Variants in CCNC observed in about 807,000 individuals in gnomAD.
CCNC encodes the protein cyclin C, also known as cyclin-C.
Under a neutral mutation model 50.0 loss-of-function variants are expected in CCNC, and 19 were observed. The observed-to-expected ratio is 0.38, with a 90% CI of 0.27 to 0.56. The LOEUF is 0.56. Among genes scored for constraint, CCNC ranks in the 20% least tolerant of loss-of-function variants. The probability of loss-of-function intolerance (pLI) is 0.72; values close to 1 mark genes in which losing one functional copy is unlikely to be tolerated. For missense variants in CCNC, 200 were observed against 327.1 expected (o/e 0.61, Z 3.00); for synonymous variants, 93 against 103.7 (o/e 0.90, Z 0.63).
intron 5 of CCNC, among the ~76,000 whole-genome samples, chr6:99,552,320 AC>A (rs1176633466): frequency 6.6e-6 from 1 of 152,200 alleles, no homozygotes; most frequent in African/African-American, 2.4e-5. Context: ...AGGATAGTAC[AC>A]CAAAAAAATG....
Position 99,545,231 on chromosome 6 carries a change from C to A in CCNC, c.679-1G>T. 2 of 1,501,242 alleles carry A rather than the reference C, an allele frequency of 1.3e-6. No homozygotes were observed. Among genetic ancestry groups the A allele is most frequent in the Non-Finnish European group, 1.9e-6 (2 of 1,080,226 alleles). 93.0% of individuals were successfully genotyped at this position (1,501,242 alleles called of 1,614,324 possible). On this transcript the variant is annotated splice_acceptor_variant, in intron 10 of 11. Coordinates refer to ENST00000520429, the MANE Select transcript of CCNC (RefSeq NM_005190.4). LOFTEE classifies it high-confidence loss of function. Reference sequence around the variant, plus strand: ...AAATAACCCTGATTATTTCCAAAATCTAGAAGAAAATATTTGAAAAGTTCT... The same window carrying A: ...AAATAACCCTGATTATTTCCAAAATATAGAAGAAAATATTTGAAAAGTTCT...
intron 11 of CCNC, chr6:99,543,882 TG>T: frequency 7.7e-7 from 1 of 1,297,560 alleles, no homozygotes; most frequent in Non-Finnish European, 9.8e-7. Context: ...AATTAGGGTA[TG>T]GGATTTCATT....
At chr6:99,545,357 T>C (rs1025387692) in intron 10 of CCNC, 127 bp from the exon 11 acceptor site, 4 of 593,520 alleles carry the variant, frequency 6.7e-6, no homozygotes, top group Non-Finnish European at 9.0e-6. Context: ...CCTGATAAAT[T>C]TGAAAGCAGT....
At chr6:99,555,377 A>G (rs1802470164) in intron 5 of CCNC, among the ~76,000 whole-genome samples, 1 of 152,070 alleles carries the variant, frequency 6.6e-6, no homozygotes, top group Non-Finnish European at 1.5e-5. Flanking sequence ...TTCTCTCTCA[A>G]AGATGTTTTT....
chr6:99,568,464 G>C (rs41288985), intron 1 of CCNC, 32 bp downstream of exon 1: 114,414 of 1,606,282 alleles, frequency 0.071, 4,449 homozygotes, highest in Middle Eastern at 0.11. Context: ...CCCAAAAACC[G>C]GCCCCAGGTG....
chr6:99,562,695 A>T (rs1393167344), intron 2 of CCNC, 147 bp downstream of exon 2: 1 of 558,880 alleles, frequency 1.8e-6, no homozygotes, highest in Admixed American at 3.6e-5. Flanking sequence ...CTAAAAAGAA[A>T]GATAAATGAA....
chr6:99,562,964 T>G lies in CCNC; in HGVS notation c.33-16A>C. On this transcript the variant is annotated splice_polypyrimidine_tract_variant and intron_variant, in intron 1 of 11. Coordinates refer to ENST00000520429, the MANE Select transcript of CCNC (RefSeq NM_005190.4). ...CCATTGCAAACTAGAAAAGACATGT[T>G]ACAGAAAATCAACAAGCAAGGTCAG... The G allele has an allele frequency of 6.7e-7, 1 of 1,497,470 alleles. No homozygotes were observed. 92.8% of individuals were successfully genotyped at this position (1,497,470 alleles called of 1,614,324 possible).
chr6:99,559,641 G>T (rs1802687799), intron 4 of CCNC, among the ~76,000 whole-genome samples: 1 of 94,070 alleles, frequency 1.1e-5, no homozygotes. Flanking sequence ...AGAAAGATTT[G>T]GTCACAGAGA....
intron 5 of CCNC, among the ~76,000 whole-genome samples, chr6:99,555,336 C>T (rs1044367939): frequency 6.6e-6 from 1 of 152,196 alleles, no homozygotes; most frequent in African/African-American, 2.4e-5. Context: ...CTGGCTTCTA[C>T]CTCCACCCCC....
chr6:99,558,357 T>G (rs1410116490), intron 5 of CCNC, 140 bp downstream of exon 5: 20 of 1,299,530 alleles, frequency 1.5e-5, no homozygotes, highest in Non-Finnish European at 2.0e-5. Context: ...CCAGATACAC[T>G]AGATATAAAG....
chr6:99,549,929 T>A (rs949237013), intron 8 of CCNC, among the ~76,000 whole-genome samples: 1 of 149,594 alleles, frequency 6.7e-6, no homozygotes, highest in African/African-American at 2.5e-5. Context: ...CAAAAAGTAT[T>A]CTGATTACTT....
In CCNC at chr6:99,542,931, T is replaced by C. The variant is rs1801936408; in HGVS notation, c.*624A>G. 6.6e-6 allele frequency: 1 copy of C among 152,570 alleles called. No individual in the cohort carries two copies. The highest frequency in any genetic ancestry group is 2.4e-5 in the African/African-American group (1 of 41,448). 9.5% of individuals were successfully genotyped at this position (152,570 alleles called of 1,614,324 possible). ...GACTATCATGTTTAAAATGTCAAAG[T>C]ATGCTATACATATTGCACTTTTCTG... On this transcript the variant is annotated 3_prime_UTR_variant, in exon 12 of 12. Coordinates refer to ENST00000520429, the MANE Select transcript of CCNC (RefSeq NM_005190.4).
intron 4 of CCNC, among the ~76,000 whole-genome samples, chr6:99,559,208 C>T (rs1163551465): frequency 1.3e-5 from 2 of 149,388 alleles, no homozygotes; most frequent in Admixed American, 1.3e-4. Flanking sequence ...AAAAAAAAAC[C>T]ATATAAATAG....
At position 99,543,312 on chromosome 6, in the gene CCNC, C is replaced by T; in HGVS notation, c.*243G>A. Reference sequence around the variant, plus strand: ...TCAAAAGCTATTAATTTTGAAATGTCTATGTATGTCTGTCTGTAGGTCCCC... The same window carrying T: ...TCAAAAGCTATTAATTTTGAAATGTTTATGTATGTCTGTCTGTAGGTCCCC... On this transcript the variant is annotated 3_prime_UTR_variant, in exon 12 of 12. Transcript: ENST00000520429. The T allele has an allele frequency of 2.7e-6, 1 of 374,300 alleles. No homozygotes were observed. The highest frequency in any genetic ancestry group is 4.8e-6 in the Non-Finnish European group (1 of 209,256). 23.2% of individuals were successfully genotyped at this position (374,300 alleles called of 1,614,324 possible).
chr6:99,550,428 G>T, intron 7 of CCNC, 119 bp from the exon 8 acceptor site: 1 of 684,126 alleles, frequency 1.5e-6, no homozygotes, highest in Non-Finnish European at 2.5e-6. Flanking sequence ...ACTAACTCAT[G>T]CTTGCTTCCC....
chr6:99,550,909 C>G, intron 7 of CCNC, 84 bp downstream of exon 7: 1 of 711,990 alleles, frequency 1.4e-6, no homozygotes, highest in East Asian at 3.8e-5. Context: ...AAATGTACCT[C>G]TCTAAAATCA....
intron 8 of CCNC, 106 bp downstream of exon 8, chr6:99,550,112 T>C: frequency 1.3e-6 from 1 of 742,570 alleles, no homozygotes; most frequent in South Asian, 2.1e-5. Context: ...ATAAAATATC[T>C]TGGGGCAATA....
chr6:99,558,421 A>G (rs1246958837), intron 5 of CCNC, 76 bp downstream of exon 5: 1 of 1,399,552 alleles, frequency 7.1e-7, no homozygotes, highest in Non-Finnish European at 9.6e-7. Flanking sequence ...TCATAAACTA[A>G]AAAAAAAAAA....
At chr6:99,551,810 T>A in intron 6 of CCNC, 30 bp downstream of exon 6, 1 of 1,295,592 alleles carries the variant, frequency 7.7e-7, no homozygotes, top group Non-Finnish European at 1.0e-6. Context: ...ATAGCTTTGA[T>A]AATTGTTCCA....
Sources: allele counts gnomAD v4.1 joint callset (sites outside exome capture counted in the v4.1 genomes callset), GRCh38; gene constraint gnomAD v4.1.1; transcripts MANE v1.5; gene names NCBI Gene and HGNC (gene_info 2026-07-23, HGNC 2026-07-21).